The following KNDC1 variants were observed in gnomAD, a reference collection of about 807,000 sequenced individuals.
KNDC1 encodes the protein kinase non-catalytic C-lobe domain-containing protein 1.
In KNDC1, 106 loss-of-function variants were observed where a neutral mutation model predicts 172.8. The ratio of observed to expected loss-of-function variants is 0.61; its 90% CI spans 0.52 to 0.72. KNDC1 has a LOEUF of 0.72. Among genes scored for constraint, KNDC1 ranks in the 30% least tolerant of loss-of-function variants. The pLI is 0.00. For synonymous variants in KNDC1, 1,083 were observed against 1,062.2 expected (o/e 1.02, Z -0.38); for missense variants, 2,325 against 2,394.5 (o/e 0.97, Z 0.61).
intron 5 of KNDC1, 27 bp from the exon 6 acceptor site, chr10:133,185,947 C>T: frequency 1.0e-6 from 1 of 978,192 alleles, no homozygotes; most frequent in African/African-American, 2.4e-5. Flanking sequence ...GGGCACCCAG[C>T]CGTGACCACA....
chr10:133,169,910 C>A (rs935009652), intron 3 of KNDC1, among the ~76,000 whole-genome samples: 1 of 152,254 alleles, frequency 6.6e-6, no homozygotes, highest in East Asian at 1.9e-4. Flanking sequence ...GTGGTTCCCC[C>A]GTGGGACTCG....
chr10:133,215,937 C>T lies in KNDC1; in HGVS notation c.4677+1815C>T, dbSNP rs182287220. 3.0e-3 allele frequency among the ~76,000 whole-genome samples: 450 copies of T among 152,368 alleles called. 2 individuals carry two copies. Among genetic ancestry groups the T allele is most frequent in the African/African-American group, 0.01 (426 of 41,588 alleles). ...GAGCTGCGGATCGCTCAGAACAGGC[C>T]CCTCACCTCCTCACGGGAGCGGACG... On this transcript the variant is annotated intron_variant, in intron 26 of 29. Coordinates refer to ENST00000304613, the MANE Select transcript of KNDC1 (RefSeq NM_152643.8).
chr10:133,205,626 C>CGTGG (rs1362961419), intron 17 of KNDC1, among the ~76,000 whole-genome samples: 1 of 152,190 alleles, frequency 6.6e-6, no homozygotes, highest in Non-Finnish European at 1.5e-5. Context: ...TTGGGGGCCT[C>CGTGG]GTCTGCACAG....
At chr10:133,187,438 G>A (rs1419828090) in intron 6 of KNDC1, among the ~76,000 whole-genome samples, 2 of 152,258 alleles carry the variant, frequency 1.3e-5, no homozygotes, top group Non-Finnish European at 2.9e-5. Context: ...AGCTCCTCCG[G>A]GCAAGGTCAC....
Position 133,200,370 on chromosome 10 carries a change from G to T in KNDC1, c.2904-5G>T, listed in dbSNP as rs774818800. ...GTGGGGACTGACCTGCATTCTCGTC[G>T]TCAGCACGGCCGAGGAGGCTGGGTC... On this transcript the variant is annotated splice_region_variant and splice_polypyrimidine_tract_variant and intron_variant, in intron 15 of 29. Coordinates refer to ENST00000304613, the MANE Select transcript of KNDC1 (RefSeq NM_152643.8). 5 of 1,582,520 alleles carry T rather than the reference G, an allele frequency of 3.2e-6. No homozygotes were observed. In the African/African-American group the frequency reaches 4.1e-5, roughly 13 times the overall value.
intron 6 of KNDC1, 76 bp downstream of exon 6, chr10:133,186,750 C>T: frequency 9.7e-7 from 1 of 1,026,944 alleles, no homozygotes. Context: ...TCCACAGATG[C>T]AAACGCTTTG....
intron 17 of KNDC1, among the ~76,000 whole-genome samples, chr10:133,204,962 C>G (rs1854481584): frequency 7.5e-6 from 1 of 134,102 alleles, no homozygotes; most frequent in Non-Finnish European, 1.6e-5. Context: ...GCTCAAGGCC[C>G]AGCTCCCATG....
At chr10:133,200,014 G>A (rs1589761300) in intron 15 of KNDC1, among the ~76,000 whole-genome samples, 1 of 152,228 alleles carries the variant, frequency 6.6e-6, no homozygotes, top group East Asian at 1.9e-4. Context: ...GTGTTGGGTG[G>A]GGCGGCGGCC....
chr10:133,223,694 TGA>T (rs1370594554), intron 29 of KNDC1, among the ~76,000 whole-genome samples: 4 of 99,170 alleles, frequency 4.0e-5, no homozygotes, highest in Non-Finnish European at 8.0e-5. Context: ...TGTGTGTGTG[TGA>T]GAGCCCATCC....
rs774533659 is a variant in KNDC1 at position 133,201,715 on chromosome 10, A to G, written c.3204A>G (p.Arg1068=). 6.2e-7 allele frequency: 1 copy of G among 1,609,836 alleles called. No homozygotes were observed. Among genetic ancestry groups the G allele is most frequent in the Admixed American group, 1.7e-5 (1 of 59,726 alleles). Residue 1068 remains arginine (R), a synonymous_variant, in exon 17 of 30, where the codon CGA becomes CGG. Coordinates refer to ENST00000304613, the MANE Select transcript of KNDC1 (RefSeq NM_152643.8). ...GGASDVEAVT[R]LARSKGVGPA... ...CCTCAGACGTGGAGGCAGTGACCCGACTGGCCAGGTCCAAAGGGGTCGGCC... is the reference window on the plus strand; with the variant it reads ...CCTCAGACGTGGAGGCAGTGACCCGGCTGGCCAGGTCCAAAGGGGTCGGCC...
Position 133,186,208 on chromosome 10 carries a change from G to C in KNDC1, c.860G>C (p.Arg287Pro), listed in dbSNP as rs752105461. ...GCCGGCCTCGTCCTGGATGCCGAGC[G>C]CACCCTCGGGGAGCTGGACAGAGAC... ...GLAGLVLDAE[R>P]TLGELDRDAL... is the part of the protein sequence containing the mutation. The change falls in exon 6 of 30, where the codon CGC (arginine) becomes CCC (proline). Residue 287 changes from arginine to proline, a missense_variant. Transcript: ENST00000304613. The C allele has an allele frequency of 1.9e-4, 299 of 1,571,578 alleles. 1 individual carries two copies. In the Middle Eastern group the frequency reaches 2.4e-3, roughly 13 times the overall value.
At chr10:133,216,838 C>A (rs9419028) in intron 26 of KNDC1, among the ~76,000 whole-genome samples, 6 of 152,162 alleles carry the variant, frequency 3.9e-5, no homozygotes, top group African/African-American at 1.4e-4. Flanking sequence ...ACCTTGAGAA[C>A]TTATTCAGCC....
Position 133,212,810 on chromosome 10 carries a change from G to A in KNDC1, c.4331G>A (p.Cys1444Tyr), listed in dbSNP as rs767656199. 1 of 1,613,954 alleles carries A rather than the reference G, an allele frequency of 6.2e-7. No homozygotes were observed. ...YTIAAALPKP[C>Y]FLEDFYGPCA... Reference sequence around the variant, plus strand: ...ATTGCTGCCGCCCTGCCCAAGCCCTGCTTCCTCGAGGACTTCTACGGCCCC... The same window carrying A: ...ATTGCTGCCGCCCTGCCCAAGCCCTACTTCCTCGAGGACTTCTACGGCCCC... Residue 1444 changes from cysteine to tyrosine, a missense_variant, in exon 24 of 30, where the codon TGC becomes TAC. Physicochemically the swap from Cys to Tyr is radical, Grantham distance 194. Coordinates refer to ENST00000304613, the MANE Select transcript of KNDC1 (RefSeq NM_152643.8).
chr10:133,218,780 T>C, intron 26 of KNDC1, 51 bp from the exon 27 acceptor site: 2 of 1,588,940 alleles, frequency 1.3e-6, no homozygotes, highest in South Asian at 1.1e-5. Context: ...AAATATTCCC[T>C]TTGTTCATCT....
intron 16 of KNDC1, among the ~76,000 whole-genome samples, chr10:133,200,827 G>A (rs917028525): frequency 1.3e-5 from 2 of 152,222 alleles, no homozygotes; most frequent in Non-Finnish European, 2.9e-5. Flanking sequence ...GCAGAGGGGG[G>A]CCTGTGAGCC....
intron 17 of KNDC1, chr10:133,202,354 T>C (rs557943969): frequency 8.1e-5 from 37 of 454,698 alleles, no homozygotes; most frequent in African/African-American, 7.0e-4. Flanking sequence ...CCGGGCTTTC[T>C]GGCCAGCAGT....
intron 29 of KNDC1, among the ~76,000 whole-genome samples, chr10:133,222,686 A>T (rs1375997632): frequency 5.7e-5 from 1 of 17,518 alleles, no homozygotes; most frequent in East Asian, 9.3e-4. Flanking sequence ...TGTGTGTGTG[A>T]GAGCCCATCC....
rs545361815 is a variant in KNDC1 at position 133,203,848 on chromosome 10, G to A, written c.3387+1950G>A. Among the ~76,000 whole-genome samples, 3 of 152,326 alleles carry A rather than the reference G, an allele frequency of 2.0e-5. No homozygotes were observed. The East Asian group carries it at 5.8e-4, about 29-fold the overall frequency. On this transcript the variant is annotated intron_variant, in intron 17 of 29. Coordinates refer to ENST00000304613, the MANE Select transcript of KNDC1 (RefSeq NM_152643.8). ...CTCATGGAGTCCGCCTGTGGTTCCC[G>A]CGTGAGGAGCGCCCCCGACGGACAT... is the stretch of plus-strand genomic sequence containing the variant.
intron 1 of KNDC1, among the ~76,000 whole-genome samples, chr10:133,162,610 A>G (rs1853013092): frequency 6.6e-6 from 1 of 152,264 alleles, no homozygotes; most frequent in South Asian, 2.1e-4. Flanking sequence ...ATGTGAAAAG[A>G]TGTTTGCTCA....
Sources: gnomAD v4.1 joint callset for allele counts (sites outside exome capture counted in the v4.1 genomes callset) on GRCh38, gnomAD v4.1.1 for gene constraint, MANE v1.5 for transcripts, NCBI Gene and HGNC (gene_info 2026-07-23, HGNC 2026-07-21) for gene names.